Variants in PLCE1 observed in about 807,000 individuals in gnomAD.
PLCE1 encodes phospholipase C epsilon 1.
In PLCE1, 119 loss-of-function variants were observed where a neutral mutation model predicts 242.8. The ratio of observed to expected loss-of-function variants is 0.49; its 90% confidence interval spans 0.42 to 0.57. The LOEUF is 0.57. PLCE1 is among the 20% of genes least tolerant of loss of function. The pLI is 0.00. For missense variants in PLCE1, 2,441 were observed against 2,788.8 expected (o/e 0.88, Z 2.81); for synonymous variants, 945 against 1,017.4 (o/e 0.93, Z 1.35).
At chr10:94,140,232 TA>T (rs2046910759) in intron 3 of PLCE1, among the ~76,000 whole-genome samples, 1 of 152,134 alleles carries the variant, frequency 6.6e-6, no homozygotes, top group Non-Finnish European at 1.5e-5. Context: ...ACAGATACAA[TA>T]TTTTTGTTTG....
chr10:94,302,570 T>C (rs1180594479), intron 24 of PLCE1, among the ~76,000 whole-genome samples: 1 of 152,102 alleles, frequency 6.6e-6, no homozygotes, highest in Non-Finnish European at 1.5e-5. Flanking sequence ...ATGTGCCAAA[T>C]CTCATTTACT....
chr10:94,265,895 G>C lies in PLCE1; in HGVS notation c.4218G>C (p.Ser1406=). The change falls in exon 16 of 33, where the codon TCG becomes TCC. Residue 1406 remains serine, a synonymous_variant. Transcript: ENST00000371380. ...TCTCATACTATTACATCGAATCTTC[G>C]CACAATACCTACCTCACGGGCCATC... is the stretch of plus-strand genomic sequence containing the variant. The part of the protein sequence containing the change: ...LPLSYYYIES[S]HNTYLTGHQL... 1 of 1,613,902 alleles carries C rather than the reference G, an allele frequency of 6.2e-7. No individual in the cohort carries two copies. The highest frequency in any genetic ancestry group is 8.5e-7 in the Non-Finnish European group (1 of 1,179,922).
intron 30 of PLCE1, among the ~76,000 whole-genome samples, chr10:94,322,837 T>A (rs2053870340): frequency 6.6e-6 from 1 of 150,966 alleles, no homozygotes; most frequent in East Asian, 1.9e-4. Flanking sequence ...GCACCTGTAG[T>A]CCCTGCTACT....
intron 2 of PLCE1, among the ~76,000 whole-genome samples, chr10:94,102,499 A>G (rs79963682): frequency 2.9e-4 from 44 of 152,366 alleles, no homozygotes; most frequent in African/African-American, 1.0e-3. Flanking sequence ...GTTGATAACT[A>G]GTGAAGGTGA....
chr10:94,272,531 G>A (rs1453116362), intron 18 of PLCE1, among the ~76,000 whole-genome samples: 1 of 152,160 alleles, frequency 6.6e-6, no homozygotes, highest in African/African-American at 2.4e-5. Context: ...TGGTCCTGAG[G>A]TGACGTACAT....
chr10:94,032,253 G>T lies in PLCE1; in HGVS notation c.1206+1G>T, dbSNP rs1167799088. On this transcript the variant is annotated splice_donor_variant, in intron 2 of 32. Transcript: ENST00000371380. LOFTEE classifies it high-confidence loss of function. ...TCTGTCAGAAGCCCAGTGGTATCCT[G>T]TAAGCATTTGAGTTTCTTTTTACCA... 1 of 1,612,650 alleles carries T rather than the reference G, an allele frequency of 6.2e-7. No homozygotes were observed. Among genetic ancestry groups the T allele is most frequent in the Non-Finnish European group, 8.5e-7 (1 of 1,179,364 alleles).
chr10:94,316,417 A>G (rs1221294338), intron 28 of PLCE1, 130 bp from the exon 29 acceptor site: 3 of 670,006 alleles, frequency 4.5e-6, no homozygotes, highest in Non-Finnish European at 8.0e-6. Flanking sequence ...GATCTTCCAA[A>G]AAGAATTATG....
At chr10:94,284,000 C>A in intron 21 of PLCE1, 89 bp downstream of exon 21, 1 of 1,451,020 alleles carries the variant, frequency 6.9e-7, no homozygotes, top group Non-Finnish European at 9.6e-7. Context: ...CCTGTCCCTC[C>A]CTTTCACCTT....
intron 27 of PLCE1, among the ~76,000 whole-genome samples, chr10:94,309,062 G>C (rs781555703): frequency 5.9e-5 from 9 of 152,220 alleles, no homozygotes; most frequent in Non-Finnish European, 8.8e-5. Flanking sequence ...ATATAACAAA[G>C]TGAGGAAGAG....
chr10:94,171,489 T>C lies in PLCE1; in HGVS notation c.1802T>C (p.Phe601Ser). Residue 601 changes from phenylalanine (F) to serine (S), a missense_variant, in exon 4 of 33, where the codon TTT (phenylalanine) becomes TCT (serine). This residue lies in a region of PLCE1 where 733 missense variants were observed against 754.2 expected (regional missense o/e 0.97). Coordinates refer to ENST00000371380, the MANE Select transcript of PLCE1 (RefSeq NM_016341.4). Reference sequence around the variant, plus strand: ...GCCCTTGAAGATCTGGTGATGAGGTTTAATGAGGTAAGAAGCCACTTTTTG... The same window carrying C: ...GCCCTTGAAGATCTGGTGATGAGGTCTAATGAGGTAAGAAGCCACTTTTTG... ...HNALEDLVMRFNEVSSWVTWL... is the reference protein window; with the variant it reads ...HNALEDLVMRSNEVSSWVTWL... 6.2e-7 allele frequency: 1 copy of C among 1,613,846 alleles called. No individual in the cohort carries two copies. The highest frequency in any genetic ancestry group is 8.5e-7 in the Non-Finnish European group (1 of 1,179,720).
chr10:94,071,351 C>T (rs2044346363), intron 2 of PLCE1, among the ~76,000 whole-genome samples: 1 of 152,204 alleles, frequency 6.6e-6, no homozygotes, highest in African/African-American at 2.4e-5. Context: ...TACCTCACTT[C>T]TTACTCCCCG....
At chr10:94,246,815 G>A (rs2050699993) in intron 8 of PLCE1, among the ~76,000 whole-genome samples, 194 bp downstream of exon 8, 1 of 152,072 alleles carries the variant, frequency 6.6e-6, no homozygotes, top group South Asian at 2.1e-4. Flanking sequence ...CTGCTCACAG[G>A]GTGGCTGTGA....
intron 21 of PLCE1, 49 bp downstream of exon 21, chr10:94,283,960 T>G: frequency 6.3e-7 from 1 of 1,597,016 alleles, no homozygotes; most frequent in Non-Finnish European, 8.6e-7. Flanking sequence ...GTGGTACTCT[T>G]GTCAGTTTCA....
At chr10:94,183,384 C>T (rs2048371345) in intron 4 of PLCE1, among the ~76,000 whole-genome samples, 1 of 151,374 alleles carries the variant, frequency 6.6e-6, no homozygotes, top group Non-Finnish European at 1.5e-5. Flanking sequence ...AAGCTCCTGC[C>T]CCACTGAGCT....
At chr10:94,065,125 C>G (rs1468251159) in intron 2 of PLCE1, among the ~76,000 whole-genome samples, 1 of 152,082 alleles carries the variant, frequency 6.6e-6, no homozygotes, top group Non-Finnish European at 1.5e-5. Flanking sequence ...AAGCCTGACT[C>G]CCCATATTTT....
intron 24 of PLCE1, among the ~76,000 whole-genome samples, chr10:94,300,987 G>A (rs113887766): frequency 6.6e-6 from 1 of 151,836 alleles, no homozygotes; most frequent in African/African-American, 2.4e-5. Context: ...AGAGGTTGCA[G>A]TGTATCAAGA....
At chr10:94,078,915 C>T (rs1364815598) in intron 2 of PLCE1, among the ~76,000 whole-genome samples, 1 of 152,192 alleles carries the variant, frequency 6.6e-6, no homozygotes, top group Non-Finnish European at 1.5e-5. Context: ...CTTAGTTTAT[C>T]TGCAGGGAAT....
chr10:93,996,415 T>C (rs966968670), intron 1 of PLCE1, among the ~76,000 whole-genome samples: 6 of 152,174 alleles, frequency 3.9e-5, no homozygotes, highest in Admixed American at 1.3e-4. Context: ...GACAGGTGAT[T>C]AGGAAACATG....
At chr10:94,313,217 T>C in intron 27 of PLCE1, 37 bp from the exon 28 acceptor site, 1 of 1,612,246 alleles carries the variant, frequency 6.2e-7, no homozygotes, top group Non-Finnish European at 8.5e-7. Context: ...AATATGTGAT[T>C]ACGGATGAAT....
Sources: allele counts gnomAD v4.1 joint callset (sites outside exome capture counted in the v4.1 genomes callset), GRCh38; gene constraint gnomAD v4.1.1; regional missense constraint gnomAD v4.1.1; transcripts MANE v1.5; gene names NCBI Gene and HGNC (gene_info 2026-07-23, HGNC 2026-07-21).